EPHA6: variants seen among roughly 807,000 people sequenced by gnomAD.
EPHA6 encodes ephrin type-A receptor 6.
A neutral mutation model predicts 112.0 loss-of-function variants in EPHA6; 50 were observed. The ratio of observed to expected loss-of-function variants is 0.45; its 90% CI spans 0.36 to 0.56. The LOEUF (loss-of-function observed/expected upper bound fraction) is 0.56. Among genes scored for constraint, EPHA6 ranks in the 20% least tolerant of loss-of-function variants. EPHA6 has a pLI of 0.00. For missense variants in EPHA6, 1,280 were observed against 1,417.4 expected, an observed-to-expected ratio of 0.90 and a Z score of 1.56; for synonymous variants, 529 against 490.7, an observed-to-expected ratio of 1.08 and a Z score of -1.03.
At chr3:97,591,288 G>A (rs1021642811) in intron 11 of EPHA6, among the ~76,000 whole-genome samples, 8 of 152,100 alleles carry the variant, frequency 5.3e-5, no homozygotes, top group African/African-American at 1.9e-4. Flanking sequence ...TACCAATAAC[G>A]TTCTCCATGG....
At chr3:97,135,515 A>G (rs2075744978) in intron 3 of EPHA6, among the ~76,000 whole-genome samples, 1 of 152,186 alleles carries the variant, frequency 6.6e-6, no homozygotes, top group Non-Finnish European at 1.5e-5. Flanking sequence ...CTCAATTTTT[A>G]TTCAGACATT....
intron 1 of EPHA6, among the ~76,000 whole-genome samples, chr3:96,850,759 A>T (rs887960656): frequency 6.6e-6 from 1 of 152,144 alleles, no homozygotes; most frequent in Non-Finnish European, 1.5e-5. Flanking sequence ...AAATAGTCTA[A>T]ATTTTTGAAA....
Position 97,759,801 on chromosome 3 carries a change from A to G in EPHA6, c.*11100A>G. 1 of 222,250 alleles carries G rather than the reference A, an allele frequency of 4.5e-6. No homozygotes were observed. The highest frequency in any genetic ancestry group is 9.0e-6 in the Non-Finnish European group (1 of 110,950). 13.8% of individuals were successfully genotyped at this position (222,250 alleles called of 1,614,324 possible). On this transcript the variant is annotated 3_prime_UTR_variant, in exon 18 of 18. Coordinates refer to ENST00000389672, the MANE Select transcript of EPHA6 (RefSeq NM_001080448.3). The stretch of plus-strand genomic sequence containing the variant: ...AAGAGACATATGTAAGTAGTTGGAT[A>G]GTAGGAAAGTGAATATATATTTGAT...
intron 5 of EPHA6, among the ~76,000 whole-genome samples, chr3:97,354,553 T>C (rs1246978310): frequency 1.3e-5 from 2 of 152,110 alleles, no homozygotes; most frequent in Admixed American, 6.5e-5. Flanking sequence ...TTTGAAAATA[T>C]ACACAGTCAG....
Position 97,177,170 on chromosome 3 carries a change from G to T in EPHA6, c.1115-49094G>T, listed in dbSNP as rs139730618. Among the ~76,000 whole-genome samples, 299 of 151,936 alleles carry T rather than the reference G, an allele frequency of 2.0e-3. 2 individuals are homozygous for T. Among genetic ancestry groups the T allele is most frequent in the Admixed American group, 0.014 (206 of 15,208 alleles). On this transcript the variant is annotated intron_variant, in intron 3 of 17. Coordinates refer to ENST00000389672, the MANE Select transcript of EPHA6 (RefSeq NM_001080448.3). The stretch of plus-strand genomic sequence containing the variant: ...CTGGAGCATATAGTTTAATTTTCAT[G>T]TATTTGTGTAGTTTCCAAAATTCCT...
intron 14 of EPHA6, among the ~76,000 whole-genome samples, chr3:97,656,627 A>G (rs2094139419): frequency 6.6e-6 from 1 of 151,532 alleles, no homozygotes; most frequent in Non-Finnish European, 1.5e-5. Context: ...CTATCCATTG[A>G]TTGGTCTGTG....
At chr3:96,932,288 T>A (rs2040364922) in intron 2 of EPHA6, among the ~76,000 whole-genome samples, 1 of 152,212 alleles carries the variant, frequency 6.6e-6, no homozygotes, top group East Asian at 1.9e-4. Context: ...TGCAGCTGCT[T>A]TTAATTGGCC....
At chr3:97,464,435 A>T (rs1214559897) in intron 7 of EPHA6, among the ~76,000 whole-genome samples, 1 of 152,110 alleles carries the variant, frequency 6.6e-6, no homozygotes, top group Non-Finnish European at 1.5e-5. Flanking sequence ...ATGGTACAAA[A>T]ATATGGTGAA....
chr3:97,543,972 C>T (rs2092907193), intron 11 of EPHA6, among the ~76,000 whole-genome samples: 1 of 152,162 alleles, frequency 6.6e-6, no homozygotes, highest in Non-Finnish European at 1.5e-5. Flanking sequence ...AGTTGCTTAT[C>T]AGCTTGTGGA....
Position 96,890,641 on chromosome 3 carries a change from A to G in EPHA6, c.450+23752A>G, listed in dbSNP as rs28515729. Among the ~76,000 whole-genome samples the G allele has an allele frequency of 8.6e-3, 1,317 of 152,352 alleles. 21 individuals are homozygous for G. Among genetic ancestry groups the G allele is most frequent in the African/African-American group, 0.028 (1,166 of 41,578 alleles). ...AGAACAGAATGAATTTTCAATATGC[A>G]CATAAAAAAATGACTAAACTGAAAA... On this transcript the variant is annotated intron_variant, in intron 2 of 17. Coordinates refer to ENST00000389672, the MANE Select transcript of EPHA6 (RefSeq NM_001080448.3).
At chr3:97,595,329 T>A (rs1429227396) in intron 12 of EPHA6, among the ~76,000 whole-genome samples, 2 of 152,170 alleles carry the variant, frequency 1.3e-5, no homozygotes, top group African/African-American at 4.8e-5. Context: ...TGCATTTGTG[T>A]AGTAGTCACC....
rs368486030 is a variant in EPHA6, at chr3:97,648,424, G to A, written c.2784+10342G>A. 1.0e-4 allele frequency: 151 copies of A among 1,471,960 alleles called. 3 individuals are homozygous for A. In the South Asian group the frequency reaches 2.0e-3, roughly 20 times the overall value. 91.2% of individuals were successfully genotyped at this position (1,471,960 alleles called of 1,614,324 possible). ...TAAAAAATAATGAAGCAGCATGAGG[G>A]GAAGGTATTTAATGTGTATTTTAAA... On this transcript the variant is annotated intron_variant, in intron 14 of 17. Coordinates refer to ENST00000389672, the MANE Select transcript of EPHA6 (RefSeq NM_001080448.3).
chr3:97,111,969 C>A (rs1424241208), intron 3 of EPHA6, among the ~76,000 whole-genome samples: 1 of 151,824 alleles, frequency 6.6e-6, no homozygotes. Flanking sequence ...TCTCTTTTTT[C>A]ATTTTGTAAT....
At chr3:97,216,609 T>G (rs149216337) in intron 3 of EPHA6, among the ~76,000 whole-genome samples, 10 of 152,360 alleles carry the variant, frequency 6.6e-5, no homozygotes, top group African/African-American at 2.2e-4. Context: ...GGAATTGTTA[T>G]ATCAAATGGT....
intron 10 of EPHA6, among the ~76,000 whole-genome samples, chr3:97,498,301 A>G (rs1168649895): frequency 6.6e-6 from 1 of 151,048 alleles, no homozygotes; most frequent in African/African-American, 2.4e-5. Context: ...CTAAATGTGC[A>G]TAGCCAAAGA....
chr3:97,535,472 G>A (rs908095564), intron 11 of EPHA6, among the ~76,000 whole-genome samples: 1 of 152,062 alleles, frequency 6.6e-6, no homozygotes, highest in African/African-American at 2.4e-5. Flanking sequence ...GGGTTGTAGA[G>A]ATGGAGAAGG....
rs376884117 is a variant in EPHA6, at chr3:97,534,560, A to C, written c.2386+2017A>C. Among the ~76,000 whole-genome samples the C allele has an allele frequency of 1.3e-4, 20 of 151,660 alleles. No individual in the cohort carries two copies. In the East Asian group the frequency reaches 3.5e-3, roughly 27 times the overall value. On this transcript the variant is annotated intron_variant, in intron 11 of 17. Coordinates refer to ENST00000389672, the MANE Select transcript of EPHA6 (RefSeq NM_001080448.3). Reference sequence around the variant, plus strand: ...CATTAAATAAATAACAATCTGAATTAAATAACATAATTCTGCCTTTCAGAA... The same window carrying C: ...CATTAAATAAATAACAATCTGAATTCAATAACATAATTCTGCCTTTCAGAA...
chr3:97,057,963 C>A (rs1005676646), intron 3 of EPHA6, among the ~76,000 whole-genome samples: 1 of 152,052 alleles, frequency 6.6e-6, no homozygotes, highest in African/African-American at 2.4e-5. Flanking sequence ...GTTGCATTCT[C>A]ATTTTTTTCC....
At chr3:97,078,324 A>C (rs1204080803) in intron 3 of EPHA6, among the ~76,000 whole-genome samples, 1 of 151,870 alleles carries the variant, frequency 6.6e-6, no homozygotes, top group Admixed American at 6.6e-5. Flanking sequence ...ATTGCAAAAA[A>C]TTTCTCCCAT....
Sources: allele counts gnomAD v4.1 joint callset (sites outside exome capture counted in the v4.1 genomes callset), GRCh38; gene constraint gnomAD v4.1.1; transcripts MANE v1.5; gene names NCBI Gene and HGNC (gene_info 2026-07-23, HGNC 2026-07-21).